NFIX: variants seen among roughly 807,000 people sequenced by gnomAD.
NFIX encodes the protein nuclear factor 1 X-type.
A neutral mutation model predicts 53.3 loss-of-function variants in NFIX; 2 were observed. That is an observed-to-expected ratio of 0.04 (90% confidence interval 0.02 to 0.12). The LOEUF is 0.12. NFIX is among the 10% of genes least tolerant of loss of function. The pLI, the probability that NFIX is intolerant of heterozygous loss-of-function variation, is 1.00. For synonymous variants in NFIX, 244 were observed against 289.0 expected (o/e 0.84, Z 1.58); for missense variants, 310 against 674.5 (o/e 0.46, Z 5.99).
At position 13,028,092 on chromosome 19, in the gene NFIX, C is replaced by T. The variant is rs2013511191; in HGVS notation, c.559+2540C>T. Among the ~76,000 whole-genome samples the T allele has an allele frequency of 6.6e-6, 1 of 152,170 alleles. No individual in the cohort carries two copies. The highest frequency in any genetic ancestry group is 1.5e-5 in the Non-Finnish European group (1 of 68,030). On this transcript the variant is annotated intron_variant, in intron 2 of 10. Coordinates refer to ENST00000592199, the MANE Select transcript of NFIX (RefSeq NM_001365902.3). This position sits in a 1 kb window ranked among gnomAD's most constrained non-coding sequence, Gnocchi z 4.2. ...ACAGACCAGGCATGGCTTGCTTCCT[C>T]CTTGAGCTGGCAAGAAATAAAAACA...
At chr19:13,063,936 G>A (rs1460312571) in intron 2 of NFIX, among the ~76,000 whole-genome samples, 1 of 152,186 alleles carries the variant, frequency 6.6e-6, no homozygotes, top group Admixed American at 6.5e-5. Flanking sequence ...AGCCCTAAGA[G>A]CAGCTGGGGG....
At chr19:12,997,261 G>A (rs895511145) in intron 1 of NFIX, among the ~76,000 whole-genome samples, 2 of 152,242 alleles carry the variant, frequency 1.3e-5, no homozygotes, top group Admixed American at 1.3e-4. Flanking sequence ...ACTCCTGTAT[G>A]CACAGGTGAG....
chr19:12,996,247 G>A lies in NFIX; in HGVS notation c.27+383G>A, dbSNP rs1012216440. Among the ~76,000 whole-genome samples, 9 of 151,996 alleles carry A rather than the reference G, an allele frequency of 5.9e-5. No individual in the cohort carries two copies. Among genetic ancestry groups the A allele is most frequent in the Non-Finnish European group, 1.3e-4 (9 of 67,992 alleles). On this transcript the variant is annotated intron_variant, in intron 1 of 10. Transcript: ENST00000592199. This position sits in a 1 kb window ranked among gnomAD's most constrained non-coding sequence, Gnocchi z 5.2. ...CTACTGTAGCGCGCACCCGGGCAGC[G>A]TGGTCGCTGGCAGTGTTTGCGGGGT...
At chr19:12,999,177 A>ATT (rs370783768) in intron 1 of NFIX, among the ~76,000 whole-genome samples, 3 of 140,534 alleles carry the variant, frequency 2.1e-5, no homozygotes, top group Admixed American at 7.1e-5. Flanking sequence ...TTCTTTTTCT[A>ATT]TTTTTTTTTT....
chr19:13,072,615 C>A lies in NFIX; in HGVS notation c.560-432C>A, dbSNP rs901092897. 6.6e-6 allele frequency among the ~76,000 whole-genome samples: 1 copy of A among 152,214 alleles called. No homozygotes were observed. The highest frequency in any genetic ancestry group is 2.1e-4 in the South Asian group (1 of 4,838). ...TGGTCTCTGACTTCTCTCTTGGGAC[C>A]CCTCTTTGCTCCTGACTCTTGGCCG... On this transcript the variant is annotated intron_variant, in intron 2 of 10. Transcript: ENST00000592199. The surrounding 1 kb of genome is among the most constrained non-coding windows in gnomAD (Gnocchi z 4.0).
In NFIX at chr19:12,998,960, G is replaced by C. The variant is rs575866776; in HGVS notation, c.27+3096G>C. Among the ~76,000 whole-genome samples, 1 of 152,198 alleles carries C rather than the reference G, an allele frequency of 6.6e-6. No homozygotes were observed. The highest frequency in any genetic ancestry group is 2.4e-5 in the African/African-American group (1 of 41,508). On this transcript the variant is annotated intron_variant, in intron 1 of 10. Coordinates refer to ENST00000592199, the MANE Select transcript of NFIX (RefSeq NM_001365902.3). The surrounding 1 kb of genome is among the most constrained non-coding windows in gnomAD (Gnocchi z 4.4). ...CTCACAAACCCCTCGAGATGATACA[G>C]ATAGCGACGAAGGCACATGGAGACC...
intron 2 of NFIX, among the ~76,000 whole-genome samples, chr19:13,044,731 C>A (rs1337343734): frequency 2.0e-5 from 3 of 152,156 alleles, no homozygotes; most frequent in Non-Finnish European, 4.4e-5. Context: ...TGTGAACCTG[C>A]CTCGCTATTA....
rs1370622120 is a variant in NFIX, at chr19:13,045,457, A to G, written c.559+19905A>G. 6.6e-6 allele frequency among the ~76,000 whole-genome samples: 1 copy of G among 152,012 alleles called. No individual in the cohort carries two copies. The highest frequency in any genetic ancestry group is 6.6e-5 in the Admixed American group (1 of 15,262). On this transcript the variant is annotated intron_variant, in intron 2 of 10. Coordinates refer to ENST00000592199, the MANE Select transcript of NFIX (RefSeq NM_001365902.3). This position sits in a 1 kb window ranked among gnomAD's most constrained non-coding sequence, Gnocchi z 4.4. The stretch of plus-strand genomic sequence containing the variant: ...TGCTAGCTGTCCTACACTGCACAAG[A>G]CGACCCCCCATAGAAGACAGTATCT...
chr19:13,047,178 C>T (rs1200342189), intron 2 of NFIX, among the ~76,000 whole-genome samples: 2 of 151,740 alleles, frequency 1.3e-5, no homozygotes, highest in Non-Finnish European at 2.9e-5. Context: ...AAACCCATTT[C>T]TCCCTGGAGA....
In NFIX at chr19:13,072,511, G is replaced by C. The variant is rs1472357290; in HGVS notation, c.560-536G>C. Among the ~76,000 whole-genome samples the C allele has an allele frequency of 6.6e-6, 1 of 152,248 alleles. No individual in the cohort carries two copies. The highest frequency in any genetic ancestry group is 1.9e-4 in the East Asian group (1 of 5,196). On this transcript the variant is annotated intron_variant, in intron 2 of 10. Transcript: ENST00000592199. The surrounding 1 kb of genome is among the most constrained non-coding windows in gnomAD (Gnocchi z 4.0). ...GAATGGCTTCAATTAACCAAGTTAG[G>C]GAAGGGGATGCTCCTCTGGGAGCTG... is the stretch of plus-strand genomic sequence containing the variant.
Position 13,088,243 on chromosome 19 carries a change from C to T in NFIX, c.1402+107C>T, listed in dbSNP as rs991469775. 5.2e-6 allele frequency: 7 copies of T among 1,353,426 alleles called. No individual in the cohort carries two copies. Among genetic ancestry groups the T allele is most frequent in the South Asian group, 1.4e-5 (1 of 72,332 alleles). The allele number at this position is 1,353,426 out of a possible 1,614,324, so 83.8% of individuals were successfully genotyped here. ...TTCCCCCTCCCCACCACCAAAGCCC[C>T]CCAACCCAGAGCACCATGGACAAGA... On this transcript the variant is annotated intron_variant, in intron 9 of 10. Transcript: ENST00000592199. The surrounding 1 kb of genome is among the most constrained non-coding windows in gnomAD (Gnocchi z 5.9).
Position 13,072,078 on chromosome 19 carries a change from C to T in NFIX, c.560-969C>T, listed in dbSNP as rs1250393597. ...CCCCATGTGGTCCCCCTGTGAGCAG[C>T]TGATTCTTCACCAAATGCCTGGCTT... On this transcript the variant is annotated intron_variant, in intron 2 of 10. Coordinates refer to ENST00000592199, the MANE Select transcript of NFIX (RefSeq NM_001365902.3). The surrounding 1 kb of genome is among the most constrained non-coding windows in gnomAD (Gnocchi z 4.0). Among the ~76,000 whole-genome samples, 3 of 152,226 alleles carry T rather than the reference C, an allele frequency of 2.0e-5. No homozygotes were observed. The highest frequency in any genetic ancestry group is 4.4e-5 in the Non-Finnish European group (3 of 68,038).
Position 13,052,315 on chromosome 19 carries a change from C to G in NFIX, c.560-20732C>G, listed in dbSNP as rs1410117918. On this transcript the variant is annotated intron_variant, in intron 2 of 10. Transcript: ENST00000592199. The surrounding 1 kb of genome is among the most constrained non-coding windows in gnomAD (Gnocchi z 5.2). Reference sequence around the variant, plus strand: ...CTTTTGTCTCCAGGAATGGAGCCATCCTTAGGAGACAGAGGCACACTGCTG... The same window carrying G: ...CTTTTGTCTCCAGGAATGGAGCCATGCTTAGGAGACAGAGGCACACTGCTG... Among the ~76,000 whole-genome samples, 1 of 152,154 alleles carries G rather than the reference C, an allele frequency of 6.6e-6. No individual in the cohort carries two copies. Among genetic ancestry groups the G allele is most frequent in the Non-Finnish European group, 1.5e-5 (1 of 68,040 alleles).
At chr19:13,064,003 G>A (rs1335593111) in intron 2 of NFIX, among the ~76,000 whole-genome samples, 1 of 152,172 alleles carries the variant, frequency 6.6e-6, no homozygotes, top group African/African-American at 2.4e-5. Context: ...GGGCCAGAAA[G>A]GGCAGTGCTG....
chr19:12,998,800 C>G lies in NFIX; in HGVS notation c.27+2936C>G, dbSNP rs2011564124. On this transcript the variant is annotated intron_variant, in intron 1 of 10. Transcript: ENST00000592199. The surrounding 1 kb of genome is among the most constrained non-coding windows in gnomAD (Gnocchi z 4.4). Reference sequence around the variant, plus strand: ...TCACACTGTCACACACACCCATTAACACACACGCACCTCTTGAAATGGGAC... The same window carrying G: ...TCACACTGTCACACACACCCATTAAGACACACGCACCTCTTGAAATGGGAC... Among the ~76,000 whole-genome samples the G allele has an allele frequency of 6.6e-6, 1 of 152,176 alleles. No individual in the cohort carries two copies. Among genetic ancestry groups the G allele is most frequent in the South Asian group, 2.1e-4 (1 of 4,832 alleles).
intron 2 of NFIX, among the ~76,000 whole-genome samples, chr19:13,046,697 G>A (rs1034282002): frequency 2.6e-5 from 4 of 152,110 alleles, no homozygotes; most frequent in African/African-American, 4.8e-5. Flanking sequence ...TGAGGCAGTC[G>A]TTCTACATGG....
intron 1 of NFIX, among the ~76,000 whole-genome samples, chr19:13,007,143 C>G (rs1483132591): frequency 6.6e-6 from 1 of 152,122 alleles, no homozygotes; most frequent in African/African-American, 2.4e-5. Context: ...GCCTGCTTGC[C>G]TGTAATGGCT....
Position 13,006,496 on chromosome 19 carries a change from G to A in NFIX, c.27+10632G>A, listed in dbSNP as rs2012022358. 6.6e-6 allele frequency among the ~76,000 whole-genome samples: 1 copy of A among 152,242 alleles called. No individual in the cohort carries two copies. On this transcript the variant is annotated intron_variant, in intron 1 of 10. Coordinates refer to ENST00000592199, the MANE Select transcript of NFIX (RefSeq NM_001365902.3). The surrounding 1 kb of genome is among the most constrained non-coding windows in gnomAD (Gnocchi z 5.6). Reference sequence around the variant, plus strand: ...TCCTTTACAGAAACTGGGGCTTGATGGGCACTGGGTATTCGCAACCCTGCT... The same window carrying A: ...TCCTTTACAGAAACTGGGGCTTGATAGGCACTGGGTATTCGCAACCCTGCT...
rs1358904309 is a variant in NFIX at position 13,093,494 on chromosome 19, C to G, written c.1495-1141C>G. On this transcript the variant is annotated intron_variant, in intron 10 of 10. Coordinates refer to ENST00000592199, the MANE Select transcript of NFIX (RefSeq NM_001365902.3). The surrounding 1 kb of genome is among the most constrained non-coding windows in gnomAD (Gnocchi z 4.7). The stretch of plus-strand genomic sequence containing the variant: ...CCACCACAGACCCTGCTTCCTCGTG[C>G]TCGCAGCACAGGCAGCAGTTAGGAG... Among the ~76,000 whole-genome samples the G allele has an allele frequency of 2.0e-5, 3 of 152,232 alleles. No individual in the cohort carries two copies. Among genetic ancestry groups the G allele is most frequent in the African/African-American group, 7.2e-5 (3 of 41,450 alleles).
Sources: allele counts gnomAD v4.1 joint callset (sites outside exome capture counted in the v4.1 genomes callset), GRCh38; gene constraint gnomAD v4.1.1; non-coding constraint Gnocchi (gnomAD v3.1); transcripts MANE v1.5; gene names NCBI Gene and HGNC (gene_info 2026-07-23, HGNC 2026-07-21).